Variants in ADAMTS16 observed in about 807,000 individuals in gnomAD.
ADAMTS16 encodes A disintegrin and metalloproteinase with thrombospondin motifs 16.
In ADAMTS16, 94 loss-of-function variants were observed where a neutral mutation model predicts 145.8. That is an observed-to-expected ratio of 0.64 (90% CI 0.55 to 0.77). The LOEUF is 0.77. Among genes scored for constraint, ADAMTS16 ranks in the 30% least tolerant of loss-of-function variants. The pLI is 0.00. For synonymous variants in ADAMTS16, 659 were observed against 604.3 expected (o/e 1.09, Z -1.33); for missense variants, 1,585 against 1,591.5 (o/e 1.00, Z 0.07).
At chr5:5,201,984 T>C (rs1735971499) in intron 9 of ADAMTS16, among the ~76,000 whole-genome samples, 1 of 152,184 alleles carries the variant, frequency 6.6e-6, no homozygotes, top group Admixed American at 6.5e-5. Context: ...GTTGCACAAA[T>C]TAAGTCTTCT....
rs1368703116 is a variant in ADAMTS16 at position 5,203,710 on chromosome 5, A to T, written c.1451+3441A>T. ...CTGTGACTTAGGGAAATTTTAGCTC[A>T]TTATTTTAAATTTCATGACAACAGG... is the stretch of plus-strand genomic sequence containing the variant. On this transcript the variant is annotated intron_variant, in intron 9 of 22. Coordinates refer to ENST00000274181, the MANE Select transcript of ADAMTS16 (RefSeq NM_139056.4). 3.3e-5 allele frequency among the ~76,000 whole-genome samples: 5 copies of T among 152,302 alleles called. No homozygotes were observed. In the East Asian group the frequency reaches 9.6e-4, roughly 29 times the overall value.
intron 3 of ADAMTS16, among the ~76,000 whole-genome samples, chr5:5,180,594 T>A (rs1735313529): frequency 1.3e-5 from 2 of 152,188 alleles, no homozygotes; most frequent in African/African-American, 4.8e-5. Flanking sequence ...TTCTCTTCAG[T>A]CATCCAAGAA....
chr5:5,237,794 A>G (rs544930030), intron 14 of ADAMTS16, among the ~76,000 whole-genome samples: 3 of 152,248 alleles, frequency 2.0e-5, no homozygotes, highest in African/African-American at 4.8e-5. Context: ...GGGATGCAGG[A>G]GACAAGCTGG....
intron 3 of ADAMTS16, among the ~76,000 whole-genome samples, chr5:5,177,070 TCTC>T (rs1288278553): frequency 1.3e-5 from 2 of 152,138 alleles, no homozygotes; most frequent in African/African-American, 4.8e-5. Flanking sequence ...CCTTGCCTCC[TCTC>T]CTCCTCATGC....
chr5:5,187,226 A>G (rs879339595), intron 5 of ADAMTS16, among the ~76,000 whole-genome samples: 1 of 152,110 alleles, frequency 6.6e-6, no homozygotes, highest in Non-Finnish European at 1.5e-5. Flanking sequence ...CCTGCTCCCC[A>G]CCCCAAATGC....
chr5:5,199,003 A>G (rs1735883195), intron 8 of ADAMTS16, among the ~76,000 whole-genome samples: 4 of 152,224 alleles, frequency 2.6e-5, no homozygotes, highest in Admixed American at 2.0e-4. Context: ...GCTGGGTGCC[A>G]GACATTAATG....
chr5:5,164,337 C>T lies in ADAMTS16; in HGVS notation c.502-17707C>T, dbSNP rs530727621. Among the ~76,000 whole-genome samples, 3 of 152,318 alleles carry T rather than the reference C, an allele frequency of 2.0e-5. No individual in the cohort carries two copies. The South Asian group carries it at 6.2e-4, about 32-fold the overall frequency. On this transcript the variant is annotated intron_variant, in intron 3 of 22. Transcript: ENST00000274181. ...CGTTGCTGAAAGGGAAACAAAGACTCTTGTCCACAATCTTGCTGTGTTCTG... is the reference window on the plus strand; with the variant it reads ...CGTTGCTGAAAGGGAAACAAAGACTTTTGTCCACAATCTTGCTGTGTTCTG...
chr5:5,149,945 A>G (rs945954114), intron 3 of ADAMTS16, among the ~76,000 whole-genome samples: 4 of 152,154 alleles, frequency 2.6e-5, no homozygotes, highest in Non-Finnish European at 2.9e-5. Flanking sequence ...GTTGATGGAC[A>G]TTATTGTTTT....
At chr5:5,144,987 G>A (rs1834922) in intron 2 of ADAMTS16, among the ~76,000 whole-genome samples, 96,925 of 151,940 alleles carry the variant, frequency 0.64, 31,277 homozygotes, top group South Asian at 0.71. Context: ...AGCTCTGTCC[G>A]TCTCCCCCAG....
At chr5:5,243,604 T>C (rs2126394893) in intron 17 of ADAMTS16, among the ~76,000 whole-genome samples, 1 of 152,362 alleles carries the variant, frequency 6.6e-6, no homozygotes, top group Non-Finnish European at 1.5e-5. Flanking sequence ...TAGTAGTTGG[T>C]TAGGATAATA....
chr5:5,241,054 C>T (rs1305036275), intron 16 of ADAMTS16, among the ~76,000 whole-genome samples: 2 of 151,996 alleles, frequency 1.3e-5, no homozygotes, highest in African/African-American at 4.8e-5. Context: ...CAGTGCAACC[C>T]CCTGTCCTGG....
At chr5:5,154,700 A>G (rs1230786127) in intron 3 of ADAMTS16, among the ~76,000 whole-genome samples, 1 of 152,308 alleles carries the variant, frequency 6.6e-6, no homozygotes, top group East Asian at 1.9e-4. Flanking sequence ...TTCTCTGTCC[A>G]GCGATGTTTT....
At chr5:5,278,811 A>G (rs1282595602) in intron 18 of ADAMTS16, among the ~76,000 whole-genome samples, 4 of 152,286 alleles carry the variant, frequency 2.6e-5, no homozygotes, top group African/African-American at 9.6e-5. Context: ...TTATTTATAG[A>G]TGTTTATAAA....
intron 3 of ADAMTS16, among the ~76,000 whole-genome samples, chr5:5,175,548 G>T (rs1735169741): frequency 6.6e-6 from 1 of 152,132 alleles, no homozygotes; most frequent in African/African-American, 2.4e-5. Flanking sequence ...AAGTCCACCG[G>T]TTGTACACCC....
intron 18 of ADAMTS16, among the ~76,000 whole-genome samples, chr5:5,287,320 A>C (rs1410543334): frequency 6.6e-6 from 1 of 152,246 alleles, no homozygotes; most frequent in Non-Finnish European, 1.5e-5. Flanking sequence ...GAAAGCTTAA[A>C]AGATAAAACT....
At chr5:5,287,192 T>C (rs1341960132) in intron 18 of ADAMTS16, among the ~76,000 whole-genome samples, 1 of 152,172 alleles carries the variant, frequency 6.6e-6, no homozygotes, top group East Asian at 1.9e-4. Context: ...ATGACTCCAA[T>C]GTCAAATGTT....
At chr5:5,305,533 CCA>C (rs1307334029) in intron 20 of ADAMTS16, among the ~76,000 whole-genome samples, 4 of 143,218 alleles carry the variant, frequency 2.8e-5, no homozygotes, top group Admixed American at 2.8e-4. Context: ...CTCACACATC[CCA>C]CACCATACAC....
chr5:5,300,215 A>C (rs1223669089), intron 18 of ADAMTS16, among the ~76,000 whole-genome samples: 1 of 152,190 alleles, frequency 6.6e-6, no homozygotes, highest in East Asian at 1.9e-4. Flanking sequence ...AGGCTGCAGG[A>C]TTGAGAGAGC....
chr5:5,166,736 T>C (rs1291729031), intron 3 of ADAMTS16, among the ~76,000 whole-genome samples: 3 of 152,206 alleles, frequency 2.0e-5, no homozygotes, highest in African/African-American at 7.2e-5. Flanking sequence ...TTCCATAGGA[T>C]GAGCTAAAAG....
Sources: gnomAD v4.1 joint callset for allele counts (sites outside exome capture counted in the v4.1 genomes callset) on GRCh38, gnomAD v4.1.1 for gene constraint, MANE v1.5 for transcripts, NCBI Gene and HGNC (gene_info 2026-07-23, HGNC 2026-07-21) for gene names.